The following COG5 variants were observed in gnomAD, a reference collection of about 807,000 sequenced individuals.
COG5 encodes component of oligomeric golgi complex 5, also known as conserved oligomeric Golgi complex subunit 5.
COG5 carries 86 observed loss-of-function variants against 110.4 expected under a neutral mutation model. The ratio of observed to expected loss-of-function variants is 0.78; its 90% CI spans 0.65 to 0.93. The LOEUF is 0.93. COG5 is among the 40% of genes least tolerant of loss of function. The pLI is 0.00. For synonymous variants in COG5, 360 were observed against 334.6 expected, an observed-to-expected ratio of 1.08 and a Z score of -0.83; for missense variants, 1,077 against 987.0, an observed-to-expected ratio of 1.09 and a Z score of -1.22.
intron 6 of COG5, chr7:107,475,575 G>A (rs1796924107): frequency 4.9e-6 from 2 of 411,928 alleles, no homozygotes; most frequent in East Asian, 7.5e-5. Context: ...GTACTATCAT[G>A]TGTATATTTT....
chr7:107,269,584 C>T (rs185329793), intron 14 of COG5, among the ~76,000 whole-genome samples: 1 of 152,050 alleles, frequency 6.6e-6, no homozygotes, highest in Non-Finnish European at 1.5e-5. Flanking sequence ...ATCACTCTTT[C>T]CTCATTTTAT....
intron 7 of COG5, among the ~76,000 whole-genome samples, chr7:107,385,984 G>A (rs1472349337): frequency 1.4e-5 from 1 of 71,854 alleles, no homozygotes; most frequent in African/African-American, 5.5e-5. Flanking sequence ...CTTTAAACCA[G>A]GTTTTGTGTG....
At chr7:107,325,304 G>A (rs1222789761) in intron 10 of COG5, among the ~76,000 whole-genome samples, 1 of 152,104 alleles carries the variant, frequency 6.6e-6, no homozygotes. Flanking sequence ...ATATAATACT[G>A]CCAATATTCT....
intron 18 of COG5, among the ~76,000 whole-genome samples, chr7:107,232,008 G>T (rs1251537276): frequency 6.6e-6 from 1 of 152,224 alleles, no homozygotes; most frequent in Non-Finnish European, 1.5e-5. Context: ...TGTCGAGAGA[G>T]TTGGAGAAGC....
chr7:107,395,312 A>C (rs1245208551), intron 7 of COG5, among the ~76,000 whole-genome samples: 4 of 152,006 alleles, frequency 2.6e-5, no homozygotes, highest in Non-Finnish European at 5.9e-5. Context: ...GGAGAAGTAA[A>C]GGGTGGTGGG....
chr7:107,409,469 T>C lies in COG5; in HGVS notation c.669+3033A>G, dbSNP rs1459064587. ...CCACAATAGTGTAGACTGGGGACTA[T>C]ATGAGAAGTCAAGAAAAGGAGACAG... On this transcript the variant is annotated intron_variant, in intron 7 of 21. Coordinates refer to ENST00000297135, the MANE Select transcript of COG5 (RefSeq NM_006348.5). Among the ~76,000 whole-genome samples, 5 of 151,242 alleles carry C rather than the reference T, an allele frequency of 3.3e-5. No homozygotes were observed. The South Asian group carries it at 8.3e-4, about 25-fold the overall frequency.
In COG5 at chr7:107,444,008, C is replaced by T. The variant is rs557088418; in HGVS notation, c.539-31376G>A. 3.9e-5 allele frequency among the ~76,000 whole-genome samples: 6 copies of T among 152,250 alleles called. No individual in the cohort carries two copies. In the East Asian group the frequency reaches 9.7e-4, roughly 24 times the overall value. On this transcript the variant is annotated intron_variant, in intron 6 of 21. Transcript: ENST00000297135. ...GTTACCTTAACAAAAATGAATTAGA[C>T]GCCTACCTCAAATAATCCTAATGGA...
At chr7:107,563,512 G>A (rs1408565246) in intron 1 of COG5, 1 of 474,528 alleles carries the variant, frequency 2.1e-6, no homozygotes, top group Admixed American at 3.3e-5. Context: ...CACAGGGTTT[G>A]GGCTCCCGAA....
At chr7:107,335,595 G>A (rs1033116068) in intron 10 of COG5, among the ~76,000 whole-genome samples, 1 of 152,024 alleles carries the variant, frequency 6.6e-6, no homozygotes, top group Non-Finnish European at 1.5e-5. Context: ...CAACAAAATG[G>A]CAGTAGTGAG....
chr7:107,208,682 C>G (rs1463845451), intron 21 of COG5: 3 of 985,342 alleles, frequency 3.0e-6, no homozygotes, highest in Non-Finnish European at 3.6e-6. Context: ...TCTCCCATTT[C>G]TGTGTCAGAT....
intron 19 of COG5, among the ~76,000 whole-genome samples, chr7:107,221,844 T>C (rs568499440): frequency 1.3e-4 from 20 of 152,258 alleles, no homozygotes; most frequent in Admixed American, 6.5e-4. Context: ...GAGAATCAGA[T>C]AGCTGATTCT....
At chr7:107,205,238 C>T (rs1484262839) in intron 21 of COG5, among the ~76,000 whole-genome samples, 1 of 152,202 alleles carries the variant, frequency 6.6e-6, no homozygotes, top group Admixed American at 6.5e-5. Context: ...GTATCAACAG[C>T]CTTGACTTAG....
At position 107,201,545 on chromosome 7, in the gene COG5, A is replaced by G; in HGVS notation, c.*1971T>C. The G allele has an allele frequency of 1.7e-6, 1 of 599,644 alleles. No homozygotes were observed. Among genetic ancestry groups the G allele is most frequent in the Non-Finnish European group, 3.1e-6 (1 of 326,918 alleles). The allele number at this position is 599,644 out of a possible 1,614,324, so 37.1% of individuals were successfully genotyped here. On this transcript the variant is annotated 3_prime_UTR_variant, in exon 22 of 22. Transcript: ENST00000297135. ...TCCTCAATTCGTGTGACCATAAGAT[A>G]CTGATAGCATTGAGTCTTGAAATGA...
chr7:107,362,655 G>T (rs1813224887), intron 8 of COG5, among the ~76,000 whole-genome samples: 1 of 152,038 alleles, frequency 6.6e-6, no homozygotes, highest in Non-Finnish European at 1.5e-5. Flanking sequence ...AGAGGTGTGA[G>T]AATGGTGGGA....
At position 107,414,656 on chromosome 7, in the gene COG5, T is replaced by G. The variant is rs564592311; in HGVS notation, c.539-2024A>C. Among the ~76,000 whole-genome samples, 140 of 149,396 alleles carry G rather than the reference T, an allele frequency of 9.4e-4. 4 individuals carry two copies. In the South Asian group the frequency reaches 0.03, roughly 32 times the overall value. The stretch of plus-strand genomic sequence containing the variant: ...TTCACACTGACTAACATGTTCTCCA[T>G]TTTGCAATAGAAAATGTCTTTATTG... On this transcript the variant is annotated intron_variant, in intron 6 of 21. Transcript: ENST00000297135.
intron 14 of COG5, among the ~76,000 whole-genome samples, chr7:107,280,382 TC>T (rs1805069029): frequency 6.6e-6 from 1 of 152,110 alleles, no homozygotes. Context: ...CCTCCAAGGA[TC>T]ATTTTATGTA....
chr7:107,413,443 T>C (rs1563019187), intron 6 of COG5, among the ~76,000 whole-genome samples: 1 of 151,526 alleles, frequency 6.6e-6, no homozygotes, highest in Non-Finnish European at 1.5e-5. Context: ...CTCTAAGAGC[T>C]GGGAGGGAGA....
At chr7:107,363,583 A>C (rs78082634) in intron 8 of COG5, among the ~76,000 whole-genome samples, 17 of 151,690 alleles carry the variant, frequency 1.1e-4, no homozygotes, top group Non-Finnish European at 1.8e-4. Context: ...ACAGAATTAG[A>C]AAAAAAAATC....
At chr7:107,290,183 A>G (rs1038039010) in intron 12 of COG5, among the ~76,000 whole-genome samples, 1 of 152,164 alleles carries the variant, frequency 6.6e-6, no homozygotes, top group Non-Finnish European at 1.5e-5. Flanking sequence ...GTGCTAATCA[A>G]AGCCTCACAA....
Sources: gnomAD v4.1 joint callset for allele counts (sites outside exome capture counted in the v4.1 genomes callset) on GRCh38, gnomAD v4.1.1 for gene constraint, MANE v1.5 for transcripts, NCBI Gene and HGNC (gene_info 2026-07-23, HGNC 2026-07-21) for gene names.